The following NTN4 variants were observed in gnomAD, a reference collection of about 807,000 sequenced individuals.
The protein encoded by NTN4 is netrin-4.
NTN4 carries 32 observed loss-of-function variants against 73.6 expected under a neutral mutation model. The ratio of observed to expected loss-of-function variants is 0.44; its 90% CI spans 0.33 to 0.58. The LOEUF (loss-of-function observed/expected upper bound fraction) is 0.58, where lower values mean the gene tolerates loss of function less well. NTN4 is among the 20% of genes least tolerant of loss of function. The probability of loss-of-function intolerance (pLI) is 0.04; values close to 1 mark genes in which losing one functional copy is unlikely to be tolerated. For missense variants in NTN4, 654 were observed against 798.3 expected (o/e 0.82, Z 2.18); for synonymous variants, 258 against 287.5 (o/e 0.90, Z 1.04).
chr12:95,683,228 T>G (rs1274459436), intron 6 of NTN4, among the ~76,000 whole-genome samples: 1 of 152,060 alleles, frequency 6.6e-6, no homozygotes, highest in Non-Finnish European at 1.5e-5. Context: ...CCCAGCTAAT[T>G]TTTTTGTATT....
chr12:95,713,190 G>T, intron 4 of NTN4, 22 bp downstream of exon 4: 1 of 1,603,496 alleles, frequency 6.2e-7, no homozygotes, highest in Non-Finnish European at 8.5e-7. Context: ...AAGCTTTTGA[G>T]TATCGTGGGC....
intron 3 of NTN4, among the ~76,000 whole-genome samples, chr12:95,717,333 G>A (rs1408221888): frequency 6.6e-6 from 1 of 152,092 alleles, no homozygotes; most frequent in Non-Finnish European, 1.5e-5. Context: ...GAGTTACCTC[G>A]TCAAACATTC....
chr12:95,693,149 A>T (rs1203971796), intron 5 of NTN4, among the ~76,000 whole-genome samples: 2 of 152,242 alleles, frequency 1.3e-5, no homozygotes, highest in Non-Finnish European at 2.9e-5. Flanking sequence ...AGATACAAAG[A>T]TGACTACAAA....
intron 5 of NTN4, among the ~76,000 whole-genome samples, chr12:95,687,229 CTG>C (rs1276469668): frequency 4.6e-5 from 7 of 152,130 alleles, no homozygotes; most frequent in African/African-American, 1.7e-4. Context: ...AAAATGCAAA[CTG>C]GAATAAACAT....
intron 9 of NTN4, among the ~76,000 whole-genome samples, chr12:95,661,979 A>C (rs996822529): frequency 6.6e-6 from 1 of 152,214 alleles, no homozygotes; most frequent in African/African-American, 2.4e-5. Context: ...GTATTAGATA[A>C]CATGAAAATC....
intron 7 of NTN4, 35 bp downstream of exon 7, chr12:95,682,672 C>T (rs1371947565): frequency 6.9e-7 from 1 of 1,444,682 alleles, no homozygotes; most frequent in Non-Finnish European, 9.7e-7. Context: ...TAAGACCAGA[C>T]CTGAAAATAT....
rs140207871 is a variant in NTN4 at position 95,691,542 on chromosome 12, C to T, written c.1181-7831G>A. 5.7e-3 allele frequency among the ~76,000 whole-genome samples: 873 copies of T among 152,152 alleles called. 6 individuals carry two copies. Among genetic ancestry groups the T allele is most frequent in the African/African-American group, 0.02 (824 of 41,510 alleles). ...TCCTGAGTAGCTGGGATTACAGGCA[C>T]GTGCCACCACGCCTGGCTAATTGTG... On this transcript the variant is annotated intron_variant, in intron 5 of 9. Transcript: ENST00000343702.
intron 2 of NTN4, among the ~76,000 whole-genome samples, chr12:95,760,636 G>C (rs2078980543): frequency 6.6e-6 from 1 of 151,158 alleles, no homozygotes; most frequent in South Asian, 2.1e-4. Flanking sequence ...TCAGAGCACG[G>C]TCTTGTGCTG....
intron 2 of NTN4, among the ~76,000 whole-genome samples, chr12:95,746,924 T>A (rs1015101958): frequency 3.3e-5 from 5 of 152,178 alleles, no homozygotes; most frequent in African/African-American, 1.2e-4. Context: ...TTTGTCCAGT[T>A]TTTTAGTAGT....
Position 95,710,130 on chromosome 12 carries a change from T to C in NTN4, c.1180+311A>G, listed in dbSNP as rs571312365. 7.9e-5 allele frequency among the ~76,000 whole-genome samples: 12 copies of C among 152,330 alleles called. No individual in the cohort carries two copies. The South Asian group carries it at 2.5e-3, about 32-fold the overall frequency. On this transcript the variant is annotated intron_variant, in intron 5 of 9. Transcript: ENST00000343702. ...CTTCTACTCACAAGTAGTCTTAAGA[T>C]CTTAAATAGCTCTCCCTCTTCATCA...
chr12:95,712,569 C>A (rs917042757), intron 4 of NTN4, among the ~76,000 whole-genome samples: 2 of 152,046 alleles, frequency 1.3e-5, no homozygotes, highest in African/African-American at 4.8e-5. Context: ...AATGAGAGTA[C>A]AACAGAATCA....
At chr12:95,706,763 A>G (rs2078524560) in intron 5 of NTN4, among the ~76,000 whole-genome samples, 1 of 152,082 alleles carries the variant, frequency 6.6e-6, no homozygotes, top group Non-Finnish European at 1.5e-5. Context: ...AGAGGCTCAA[A>G]TGTTAGCAAA....
intron 5 of NTN4, among the ~76,000 whole-genome samples, chr12:95,688,569 A>T (rs1426036092): frequency 2.6e-5 from 4 of 152,138 alleles, no homozygotes; most frequent in African/African-American, 9.7e-5. Context: ...TCTGACACTT[A>T]GGAGAAAAGT....
Position 95,665,392 on chromosome 12 carries a change from T to C in NTN4, c.1750+418A>G, listed in dbSNP as rs12317881. 6.8e-3 allele frequency among the ~76,000 whole-genome samples: 1,036 copies of C among 152,340 alleles called. 14 individuals carry two copies. The highest frequency in any genetic ancestry group is 0.024 in the African/African-American group (985 of 41,578). ...AGAGAAACAGATGCTTTTCAAGCAA[T>C]AGTCGAAATGAATTCAATATTATTT... is the stretch of plus-strand genomic sequence containing the variant. On this transcript the variant is annotated intron_variant, in intron 9 of 9. Transcript: ENST00000343702.
intron 2 of NTN4, among the ~76,000 whole-genome samples, chr12:95,771,444 A>G (rs1293325525): frequency 6.6e-6 from 1 of 152,140 alleles, no homozygotes; most frequent in Non-Finnish European, 1.5e-5. Context: ...GAAGATGAAT[A>G]AATTTTTAAA....
intron 9 of NTN4, among the ~76,000 whole-genome samples, chr12:95,664,800 A>T (rs974712333): frequency 6.6e-6 from 1 of 151,916 alleles, no homozygotes. Context: ...TTTAGTAGAG[A>T]TGGGGTTTCA....
intron 2 of NTN4, among the ~76,000 whole-genome samples, chr12:95,775,316 G>T (rs2079083581): frequency 6.6e-6 from 1 of 152,182 alleles, no homozygotes; most frequent in Admixed American, 6.5e-5. Context: ...TCTCACTGGG[G>T]CTTGTTGGAC....
chr12:95,757,785 AAT>A (rs1284171453), intron 2 of NTN4, among the ~76,000 whole-genome samples: 1 of 151,650 alleles, frequency 6.6e-6, no homozygotes, highest in Non-Finnish European at 1.5e-5. Flanking sequence ...AAAAAAAAAA[AAT>A]GTAATTAAAA....
chr12:95,659,703 G>A (rs990198644), intron 9 of NTN4, among the ~76,000 whole-genome samples: 9 of 152,184 alleles, frequency 5.9e-5, no homozygotes, highest in Non-Finnish European at 2.9e-5. Context: ...TGCTTTACAT[G>A]TATGATCTCA....
Sources: allele counts gnomAD v4.1 joint callset (sites outside exome capture counted in the v4.1 genomes callset), GRCh38; gene constraint gnomAD v4.1.1; transcripts MANE v1.5; gene names NCBI Gene and HGNC (gene_info 2026-07-23, HGNC 2026-07-21).